The following FBXL13 variants were observed in gnomAD, a reference collection of about 807,000 sequenced individuals.
The protein encoded by FBXL13 is F-box and leucine-rich repeat protein 13.
Under a neutral mutation model 83.6 loss-of-function variants are expected in FBXL13, and 67 were observed. The observed-to-expected ratio is 0.80, with a 90% CI of 0.66 to 0.98. FBXL13 has a LOEUF of 0.98. Ranked by LOEUF, FBXL13 falls within the 50% of genes least tolerant of loss-of-function variation. The pLI, the probability that FBXL13 is intolerant of heterozygous loss-of-function variation, is 0.00. For synonymous variants in FBXL13, 272 were observed against 299.5 expected, an observed-to-expected ratio of 0.91 and a Z score of 0.95; for missense variants, 822 against 866.5, an observed-to-expected ratio of 0.95 and a Z score of 0.64.
intron 17 of FBXL13, among the ~76,000 whole-genome samples, chr7:102,846,048 C>T (rs1803884444): frequency 6.6e-6 from 1 of 152,140 alleles, no homozygotes. Context: ...GTATTGCCTA[C>T]CTCATAAAGT....
At chr7:102,876,264 C>T (rs1043515679) in intron 16 of FBXL13, among the ~76,000 whole-genome samples, 1 of 152,130 alleles carries the variant, frequency 6.6e-6, no homozygotes, top group Non-Finnish European at 1.5e-5. Flanking sequence ...CAGGGATCCA[C>T]CTGGACGGGA....
chr7:102,966,551 A>C (rs1825981828), intron 7 of FBXL13, among the ~76,000 whole-genome samples: 1 of 152,236 alleles, frequency 6.6e-6, no homozygotes. Flanking sequence ...AGAAGCTGGC[A>C]GGAGTTAGAA....
intron 6 of FBXL13, 143 bp from the exon 8 acceptor site, chr7:102,968,260 A>G: frequency 1.8e-6 from 1 of 567,684 alleles, no homozygotes; most frequent in South Asian, 2.5e-5. Flanking sequence ...TACTTTGCAA[A>G]TAGCAAGAGT....
chr7:103,023,521 G>A (rs1180772427), intron 6 of FBXL13, among the ~76,000 whole-genome samples: 1 of 152,178 alleles, frequency 6.6e-6, no homozygotes, highest in African/African-American at 2.4e-5. Flanking sequence ...CACACTGCTG[G>A]TGGGAATGTA....
chr7:102,944,228 C>T, intron 8 of FBXL13: 1 of 1,607,886 alleles, frequency 6.2e-7, no homozygotes, highest in Non-Finnish European at 8.5e-7. Context: ...TTAGGGCTCA[C>T]ACATTTAGAA....
At chr7:103,038,935 C>A (rs1228184100) in intron 2 of FBXL13, among the ~76,000 whole-genome samples, 1 of 152,174 alleles carries the variant, frequency 6.6e-6, no homozygotes, top group African/African-American at 2.4e-5. Flanking sequence ...CGCAGCTCCT[C>A]GCCAGCAAGG....
intron 11 of FBXL13, among the ~76,000 whole-genome samples, chr7:102,901,448 TTAAG>T (rs1228424656): frequency 2.6e-5 from 4 of 152,198 alleles, no homozygotes; most frequent in Non-Finnish European, 5.9e-5. Flanking sequence ...AAATGTACAA[TTAAG>T]TATTATTGAC....
At chr7:103,039,102 A>G (rs961678091) in intron 2 of FBXL13, among the ~76,000 whole-genome samples, 8 of 152,222 alleles carry the variant, frequency 5.3e-5, no homozygotes, top group African/African-American at 1.9e-4. Context: ...GCTAACTAGA[A>G]TGAATAGTGT....
intron 11 of FBXL13, among the ~76,000 whole-genome samples, chr7:102,910,578 C>CCACGTGAATCCCCATG (rs1814494532): frequency 6.6e-6 from 1 of 151,928 alleles, no homozygotes; most frequent in Non-Finnish European, 1.5e-5. Flanking sequence ...TTCTTAGACA[C>CCACGTGAATCCCCATG]CACGTGAATC....
At chr7:102,943,318 T>G (rs1325140019) in intron 8 of FBXL13, among the ~76,000 whole-genome samples, 1 of 121,698 alleles carries the variant, frequency 8.2e-6, no homozygotes, top group Non-Finnish European at 1.7e-5. Context: ...GTAGCATCTT[T>G]TTTTCCCAAG....
At chr7:102,822,073 A>C in exon 19 of FBXL13, 2 of 1,614,206 alleles carry the variant, frequency 1.2e-6, no homozygotes, top group South Asian at 2.2e-5. Flanking sequence ...CATCTTAAGG[A>C]TCCGGAGTTG....
At chr7:103,012,374 CAAAAAA>C (rs774447997) in intron 6 of FBXL13, among the ~76,000 whole-genome samples, 2 of 52,966 alleles carry the variant, frequency 3.8e-5, no homozygotes, top group African/African-American at 1.5e-4. Flanking sequence ...AACTCCAACT[CAAAAAA>C]AAAAAAAAAA....
intron 6 of FBXL13, among the ~76,000 whole-genome samples, chr7:102,972,861 G>A (rs1194660608): frequency 6.6e-6 from 1 of 151,600 alleles, no homozygotes; most frequent in Non-Finnish European, 1.5e-5. Context: ...AATGCTTTTT[G>A]CTTTAATGTT....
At chr7:103,060,479 G>C (rs995467006) in intron 1 of FBXL13, among the ~76,000 whole-genome samples, 2 of 152,166 alleles carry the variant, frequency 1.3e-5, no homozygotes, top group African/African-American at 4.8e-5. Flanking sequence ...ATGACTGAGA[G>C]AGAAAGACAG....
intron 11 of FBXL13, among the ~76,000 whole-genome samples, chr7:102,901,810 A>T (rs1197952036): frequency 6.6e-6 from 1 of 152,150 alleles, no homozygotes; most frequent in Non-Finnish European, 1.5e-5. Context: ...TATATGTACC[A>T]CATTTTCTTT....
chr7:102,956,123 A>G (rs1417366008), intron 8 of FBXL13, among the ~76,000 whole-genome samples: 3 of 152,174 alleles, frequency 2.0e-5, no homozygotes, highest in Non-Finnish European at 4.4e-5. Flanking sequence ...ATATCGATGC[A>G]AAAATCCTCA....
intron 6 of FBXL13, among the ~76,000 whole-genome samples, chr7:102,970,910 A>C (rs2129482117): frequency 6.6e-6 from 1 of 152,346 alleles, no homozygotes; most frequent in Non-Finnish European, 1.5e-5. Context: ...AGAGAAATAA[A>C]GAGATGAAAA....
chr7:103,074,006 G>T (rs1259510793), intron 1 of FBXL13, among the ~76,000 whole-genome samples: 2 of 152,160 alleles, frequency 1.3e-5, no homozygotes, highest in Admixed American at 1.3e-4. Context: ...AATGTTCTCA[G>T]CTTCCTACCC....
chr7:102,946,984 G>A (rs542787509), intron 8 of FBXL13, among the ~76,000 whole-genome samples: 1 of 152,192 alleles, frequency 6.6e-6, no homozygotes, highest in African/African-American at 2.4e-5. Flanking sequence ...ACTGGATTGT[G>A]AGGTTCTAAC....
Sources: gnomAD v4.1 joint callset for allele counts (sites outside exome capture counted in the v4.1 genomes callset) on GRCh38, gnomAD v4.1.1 for gene constraint, MANE v1.5 for transcripts, NCBI Gene and HGNC (gene_info 2026-07-23, HGNC 2026-07-21) for gene names.